Variants in PAFAH1B1 observed in about 807,000 individuals in gnomAD.
The protein encoded by PAFAH1B1 is platelet activating factor acetylhydrolase 1b regulatory subunit 1.
PAFAH1B1 carries 2 observed loss-of-function variants against 57.5 expected under a neutral mutation model. That is an observed-to-expected ratio of 0.03 (90% CI 0.01 to 0.11). PAFAH1B1 has a LOEUF of 0.11. PAFAH1B1 is among the 10% of genes least tolerant of loss of function. PAFAH1B1 has a pLI of 1.00. For synonymous variants in PAFAH1B1, 152 were observed against 169.6 expected (o/e 0.90, Z 0.81); for missense variants, 257 against 512.0 (o/e 0.50, Z 4.81).
At chr17:2,621,605 GTCTTTTTTTTTTT>G (rs1342399525) in intron 1 of PAFAH1B1, among the ~76,000 whole-genome samples, 4,634 of 93,136 alleles carry the variant, frequency 0.05, 831 homozygotes, top group African/African-American at 0.18. Context: ...TAGATAATCT[GTCTTTTTTTTTTT>G]TTTTTTTTTT....
At chr17:2,665,983 A>T (rs1567554840) in intron 3 of PAFAH1B1, 33 bp from the exon 4 acceptor site, 1 of 1,431,736 alleles carries the variant, frequency 7.0e-7, no homozygotes, top group Non-Finnish European at 9.5e-7. Flanking sequence ...TAGTTAAGCC[A>T]TTTTTTAAAA....
chr17:2,609,949 C>T (rs752972127), intron 1 of PAFAH1B1, among the ~76,000 whole-genome samples: 13 of 152,202 alleles, frequency 8.5e-5, no homozygotes, highest in Non-Finnish European at 1.3e-4. Context: ...CTCAGCCTCC[C>T]AAGTCGCTGG....
Position 2,672,714 on chromosome 17 carries a change from G to T in PAFAH1B1, c.628G>T (p.Ala210Ser), listed in dbSNP as rs2151666389. The change falls in exon 7 of 11, where the codon GCC becomes TCC. Residue 210 changes from alanine to serine, a missense_variant. Physicochemically the swap from Ala to Ser is moderately conservative, Grantham distance 99. Coordinates refer to ENST00000397195, the MANE Select transcript of PAFAH1B1 (RefSeq NM_000430.4). ...GCCCAATGGAGATCATATAGTGTCT[G>T]CCTCAAGGGATAAAACTATAAAAAT... The part of the protein sequence containing the change: ...IMPNGDHIVS[A>S]SRDKTIKMWE... 1 of 1,613,402 alleles carries T rather than the reference G, an allele frequency of 6.2e-7. No homozygotes were observed. Among genetic ancestry groups the T allele is most frequent in the Non-Finnish European group, 8.5e-7 (1 of 1,179,496 alleles).
chr17:2,618,619 TTAA>T (rs1265133827), intron 1 of PAFAH1B1, among the ~76,000 whole-genome samples: 6 of 152,110 alleles, frequency 3.9e-5, no homozygotes, highest in African/African-American at 1.4e-4. Flanking sequence ...TAGTATAGTG[TTAA>T]TGATGGAGTT....
chr17:2,674,055 G>T lies in PAFAH1B1; in HGVS notation c.672-5G>T. The T allele has an allele frequency of 5.7e-6, 9 of 1,592,440 alleles. No individual in the cohort carries two copies. Among genetic ancestry groups the T allele is most frequent in the Non-Finnish European group, 7.8e-6 (9 of 1,160,932 alleles). On this transcript the variant is annotated splice_polypyrimidine_tract_variant and splice_region_variant and intron_variant, in intron 7 of 10. Coordinates refer to ENST00000397195, the MANE Select transcript of PAFAH1B1 (RefSeq NM_000430.4). ...CACAGTGTAAGTTATTATTTATATT[G>T]ACAGCTACTGTGTGAAGACATTCAC... is the stretch of plus-strand genomic sequence containing the variant.
At chr17:2,668,358 G>A (rs184931477) in intron 5 of PAFAH1B1, among the ~76,000 whole-genome samples, 2 of 152,008 alleles carry the variant, frequency 1.3e-5, no homozygotes, top group East Asian at 3.9e-4. Flanking sequence ...AGTAACGACG[G>A]TTTGGCCTTA....
intron 6 of PAFAH1B1, among the ~76,000 whole-genome samples, chr17:2,671,504 A>G (rs933194729): frequency 7.0e-6 from 1 of 142,740 alleles, no homozygotes; most frequent in South Asian, 2.2e-4. Flanking sequence ...AAGGTCTATC[A>G]TTTATTTTTC....
At chr17:2,626,373 C>G (rs548428530) in intron 1 of PAFAH1B1, among the ~76,000 whole-genome samples, 6 of 152,070 alleles carry the variant, frequency 3.9e-5, no homozygotes, top group South Asian at 2.1e-4. Context: ...CAATCATATA[C>G]TTGTGCTTTC....
intron 8 of PAFAH1B1, 123 bp from the exon 9 acceptor site, chr17:2,676,382 C>T: frequency 1.4e-6 from 1 of 708,762 alleles, no homozygotes; most frequent in Non-Finnish European, 2.5e-6. Flanking sequence ...CGTCTGAAAA[C>T]AAACAAAAAA....
At chr17:2,610,307 G>A (rs1227780323) in intron 1 of PAFAH1B1, among the ~76,000 whole-genome samples, 3 of 152,068 alleles carry the variant, frequency 2.0e-5, no homozygotes, top group Non-Finnish European at 4.4e-5. Flanking sequence ...GGAGAAAGAA[G>A]AAACAAAAAC....
At chr17:2,667,380 T>C in intron 5 of PAFAH1B1, 182 bp downstream of exon 5, 2 of 569,332 alleles carry the variant, frequency 3.5e-6, no homozygotes, top group South Asian at 1.9e-5. Context: ...TAAAAGATCC[T>C]GAAAATGAGG....
Position 2,680,244 on chromosome 17 carries a change from C to T in PAFAH1B1, c.1083C>T (p.Thr361=). 1 of 1,613,838 alleles carries T rather than the reference C, an allele frequency of 6.2e-7. No homozygotes were observed. The highest frequency in any genetic ancestry group is 8.5e-7 in the Non-Finnish European group (1 of 1,179,824). The change falls in exon 10 of 11, where the codon ACC becomes ACT. Residue 361 remains threonine (T), a synonymous_variant. Coordinates refer to ENST00000397195, the MANE Select transcript of PAFAH1B1 (RefSeq NM_000430.4). ...TTTTGAGTTGTGCTGATGACAAGAC[C>T]CTACGCGTATGGGATTACAAGAACA... The part of the protein sequence containing the change: ...KFILSCADDK[T]LRVWDYKNKR...
At chr17:2,645,569 G>C (rs952382888) in intron 2 of PAFAH1B1, among the ~76,000 whole-genome samples, 7 of 149,092 alleles carry the variant, frequency 4.7e-5, no homozygotes, top group Non-Finnish European at 8.9e-5. Context: ...CTCCAGCCTG[G>C]GGGACAGAGG....
At chr17:2,667,226 C>G (rs1024538810) in intron 5 of PAFAH1B1, 28 bp downstream of exon 5, 7 of 1,552,228 alleles carry the variant, frequency 4.5e-6, no homozygotes, top group Admixed American at 1.7e-5. Flanking sequence ...GCAGACTTAA[C>G]GGGAGGCTGA....
At chr17:2,625,691 C>T (rs996731453) in intron 1 of PAFAH1B1, among the ~76,000 whole-genome samples, 5 of 152,186 alleles carry the variant, frequency 3.3e-5, no homozygotes, top group African/African-American at 9.6e-5. Flanking sequence ...TTTGGGTGGC[C>T]GAGGTGACAG....
intron 1 of PAFAH1B1, chr17:2,613,342 C>T: frequency 4.3e-6 from 1 of 230,586 alleles, no homozygotes; most frequent in Non-Finnish European, 9.5e-6. Context: ...CATTTTCTTG[C>T]TTGGGCGAAG....
chr17:2,673,996 A>G lies in PAFAH1B1; in HGVS notation c.672-64A>G, dbSNP rs1219886620. ...TCTTCATCCCAGTACATATTTTTAT[A>G]TCACTTCTGGGAAGTGTCCTGATGA... On this transcript the variant is annotated intron_variant, in intron 7 of 10. Coordinates refer to ENST00000397195, the MANE Select transcript of PAFAH1B1 (RefSeq NM_000430.4). The G allele has an allele frequency of 7.0e-6, 8 of 1,147,576 alleles. No individual in the cohort carries two copies. The African/African-American group carries it at 1.1e-4, about 15-fold the overall frequency. The allele number at this position is 1,147,576 out of a possible 1,614,324, so 71.1% of individuals were successfully genotyped here. A position where few individuals can be genotyped will look rare whatever the true frequency, so the allele number is the denominator to read the frequency against.
At position 2,638,328 on chromosome 17, in the gene PAFAH1B1, T is replaced by G; in HGVS notation, c.32+8T>G. 6.2e-7 allele frequency: 1 copy of G among 1,612,448 alleles called. No homozygotes were observed. The highest frequency in any genetic ancestry group is 1.1e-5 in the South Asian group (1 of 91,032). Reference sequence around the variant, plus strand: ...GAGACAACGAGATGAACTGTAAGTTTCTTTGTTTTGTGCTTTAAAAAAAAT... The same window carrying G: ...GAGACAACGAGATGAACTGTAAGTTGCTTTGTTTTGTGCTTTAAAAAAAAT... On this transcript the variant is annotated splice_region_variant and intron_variant, in intron 2 of 10. Coordinates refer to ENST00000397195, the MANE Select transcript of PAFAH1B1 (RefSeq NM_000430.4).
chr17:2,623,703 C>T (rs1007219200), intron 1 of PAFAH1B1, among the ~76,000 whole-genome samples: 5 of 150,478 alleles, frequency 3.3e-5, no homozygotes, highest in African/African-American at 9.8e-5. Flanking sequence ...TCTCTGCTCA[C>T]TGAAACCTCC....
Sources: allele counts gnomAD v4.1 joint callset (sites outside exome capture counted in the v4.1 genomes callset), GRCh38; gene constraint gnomAD v4.1.1; transcripts MANE v1.5; gene names NCBI Gene and HGNC (gene_info 2026-07-23, HGNC 2026-07-21).